Variants in VPS8 observed in about 807,000 individuals in gnomAD.
The protein encoded by VPS8 is vacuolar protein sorting-associated protein 8 homolog.
A neutral mutation model predicts 216.4 loss-of-function variants in VPS8; 129 were observed. That is an observed-to-expected ratio of 0.60 (90% CI 0.52 to 0.69). The LOEUF (loss-of-function observed/expected upper bound fraction) is 0.69, where lower values mean the gene tolerates loss of function less well. Among genes scored for constraint, VPS8 ranks in the 30% least tolerant of loss-of-function variants. The probability of loss-of-function intolerance (pLI) is 0.00; values close to 1 mark genes in which losing one functional copy is unlikely to be tolerated. For synonymous variants in VPS8, 571 were observed against 565.4 expected (o/e 1.01, Z -0.14); for missense variants, 1,531 against 1,683.5 (o/e 0.91, Z 1.59).
intron 22 of VPS8, among the ~76,000 whole-genome samples, chr3:184,893,830 G>A (rs1732828036): frequency 6.6e-6 from 1 of 152,154 alleles, no homozygotes. Context: ...AACAGTACAG[G>A]AATACTTAAG....
chr3:185,004,985 A>G (rs1013713801), intron 45 of VPS8, among the ~76,000 whole-genome samples: 17 of 151,316 alleles, frequency 1.1e-4, no homozygotes, highest in Non-Finnish European at 5.9e-5. Flanking sequence ...CAATGTCTAT[A>G]CAAGGGTTTT....
intron 46 of VPS8, among the ~76,000 whole-genome samples, chr3:185,044,047 G>A (rs1021176850): frequency 6.6e-6 from 1 of 152,068 alleles, no homozygotes; most frequent in Admixed American, 6.6e-5. Context: ...AAAATTAGCT[G>A]GGCATGGTGG....
In VPS8 at chr3:184,866,912, A is replaced by C. The variant is rs1425422599; in HGVS notation, c.1432A>C (p.Ser478Arg). The change falls in exon 17 of 48, where the codon AGT becomes CGT. Residue 478 changes from serine (S) to arginine (R), a missense_variant. Coordinates refer to ENST00000625842, the MANE Select transcript of VPS8 (RefSeq NM_001009921.3). Reference sequence around the variant, plus strand: ...AGAGAAGGCTTGTTATCAATCCATCAGTAGCTATGGTGGTCAGATCTTTTA... The same window carrying C: ...AGAGAAGGCTTGTTATCAATCCATCCGTAGCTATGGTGGTCAGATCTTTTA... ...VGEKACYQSI[S>R]SYGGQIFYLG... The C allele has an allele frequency of 3.7e-6, 6 of 1,613,222 alleles. No individual in the cohort carries two copies. Among genetic ancestry groups the C allele is most frequent in the African/African-American group, 1.3e-5 (1 of 74,888 alleles).
chr3:184,885,658 A>C (rs898797867), intron 21 of VPS8, among the ~76,000 whole-genome samples: 4 of 152,132 alleles, frequency 2.6e-5, no homozygotes, highest in Non-Finnish European at 5.9e-5. Context: ...GATCTGTGAG[A>C]CGAATGCATA....
intron 46 of VPS8, among the ~76,000 whole-genome samples, chr3:185,046,948 T>C (rs1472733172): frequency 6.6e-6 from 1 of 152,170 alleles, no homozygotes; most frequent in Admixed American, 6.5e-5. Context: ...GATCAGCAGA[T>C]GATGACTCTG....
intron 45 of VPS8, among the ~76,000 whole-genome samples, chr3:185,022,634 T>C (rs1756820498): frequency 6.6e-6 from 1 of 152,210 alleles, no homozygotes; most frequent in Non-Finnish European, 1.5e-5. Flanking sequence ...GTAAATGATG[T>C]TGCATGTTGT....
intron 21 of VPS8, chr3:184,882,534 T>C (rs1433214054): frequency 9.2e-6 from 3 of 325,688 alleles, no homozygotes; most frequent in African/African-American, 6.5e-5. Flanking sequence ...TTTTTTGTAA[T>C]GGCTTTTCAG....
intron 46 of VPS8, among the ~76,000 whole-genome samples, chr3:185,025,002 CA>C: frequency 6.7e-6 from 1 of 150,048 alleles, no homozygotes; most frequent in East Asian, 2.0e-4. Context: ...AACTCCATCT[CA>C]AAAAAAGAAA....
chr3:185,009,623 A>T (rs1754726487), intron 45 of VPS8, among the ~76,000 whole-genome samples: 1 of 152,118 alleles, frequency 6.6e-6, no homozygotes, highest in South Asian at 2.1e-4. Flanking sequence ...GGGGGTAGGG[A>T]AGGGGCAAAA....
At chr3:184,980,411 TC>T (rs148540445) in intron 40 of VPS8, among the ~76,000 whole-genome samples, 6,116 of 152,238 alleles carry the variant, frequency 0.04, 220 homozygotes, top group East Asian at 0.11. Context: ...AGGTTGCTTG[TC>T]CTCTCTCCCT....
At chr3:184,896,518 T>TC (rs1733506069) in intron 23 of VPS8, among the ~76,000 whole-genome samples, 2 of 152,202 alleles carry the variant, frequency 1.3e-5, no homozygotes, top group Non-Finnish European at 2.9e-5. Flanking sequence ...GTTGCTATTT[T>TC]CATTTTTTTC....
rs555160757 is a variant in VPS8 at position 184,866,898 on chromosome 3, G to C, written c.1418G>C (p.Cys473Ser). ...CAGGCTTTGGTTGGAGAGAAGGCTT[G>C]TTATCAATCCATCAGTAGCTATGGT... Reference protein sequence around the residue: ...QALALVGEKACYQSISSYGGQ... With the variant: ...QALALVGEKASYQSISSYGGQ... The change falls in exon 17 of 48, where the codon TGT (cysteine) becomes TCT (serine). Residue 473 changes from cysteine to serine, a missense_variant. By Grantham distance (112) the Cys-to-Ser change is moderately radical. Coordinates refer to ENST00000625842, the MANE Select transcript of VPS8 (RefSeq NM_001009921.3). 6.2e-7 allele frequency: 1 copy of C among 1,613,004 alleles called. No homozygotes were observed. The highest frequency in any genetic ancestry group is 1.7e-5 in the Admixed American group (1 of 59,908).
intron 36 of VPS8, among the ~76,000 whole-genome samples, chr3:184,951,612 G>A (rs954772720): frequency 1.3e-5 from 2 of 152,196 alleles, no homozygotes; most frequent in Non-Finnish European, 2.9e-5. Flanking sequence ...GAGTGGATAT[G>A]TGCTCCAACC....
At chr3:184,822,305 A>G (rs900336212) in intron 1 of VPS8, among the ~76,000 whole-genome samples, 3 of 152,134 alleles carry the variant, frequency 2.0e-5, no homozygotes, top group African/African-American at 7.2e-5. Flanking sequence ...CAGTGAAATG[A>G]AGGTCAGAAA....
At chr3:184,968,779 G>C (rs547391086) in intron 39 of VPS8, among the ~76,000 whole-genome samples, 1 of 152,218 alleles carries the variant, frequency 6.6e-6, no homozygotes, top group East Asian at 1.9e-4. Flanking sequence ...GGAATCACTT[G>C]GTGGGTGATT....
At chr3:184,960,807 T>C (rs1263469590) in intron 37 of VPS8, among the ~76,000 whole-genome samples, 1 of 152,184 alleles carries the variant, frequency 6.6e-6, no homozygotes, top group Non-Finnish European at 1.5e-5. Context: ...TGTGAAATAA[T>C]GGTAATTCGT....
intron 41 of VPS8, 67 bp downstream of exon 41, chr3:184,982,714 A>G: frequency 7.7e-7 from 1 of 1,293,930 alleles, no homozygotes. Context: ...GTCTGCAGAA[A>G]CTATCAGTAT....
intron 8 of VPS8, among the ~76,000 whole-genome samples, chr3:184,846,209 A>G (rs1205649707): frequency 1.3e-5 from 2 of 152,220 alleles, no homozygotes; most frequent in African/African-American, 2.4e-5. Context: ...AACAACAAAT[A>G]TATTGTAAAA....
chr3:184,867,616 C>T (rs757883090), intron 17 of VPS8, among the ~76,000 whole-genome samples: 4 of 152,104 alleles, frequency 2.6e-5, no homozygotes, highest in Admixed American at 6.6e-5. Flanking sequence ...AAGGTCTTGG[C>T]GGGCAGATCA....
Sources: allele counts gnomAD v4.1 joint callset (sites outside exome capture counted in the v4.1 genomes callset), GRCh38; gene constraint gnomAD v4.1.1; transcripts MANE v1.5; gene names NCBI Gene and HGNC (gene_info 2026-07-23, HGNC 2026-07-21).